The following RHPN2 variants were observed in gnomAD, a reference collection of about 807,000 sequenced individuals.
RHPN2 encodes rhophilin Rho GTPase binding protein 2, also known as rhophilin-2.
In RHPN2, 40 loss-of-function variants were observed where a neutral mutation model predicts 79.0. That is an observed-to-expected ratio of 0.51 (90% CI 0.39 to 0.66). The LOEUF is 0.66. Ranked by LOEUF, RHPN2 falls within the 30% of genes least tolerant of loss-of-function variation. The probability of loss-of-function intolerance (pLI) is 0.00; values close to 1 mark genes in which losing one functional copy is unlikely to be tolerated. For missense variants in RHPN2, 686 were observed against 883.5 expected (o/e 0.78, Z 2.83); for synonymous variants, 285 against 363.5 (o/e 0.78, Z 2.46).
chr19:33,047,145 G>A (rs1171685584), intron 1 of RHPN2, among the ~76,000 whole-genome samples: 2 of 152,120 alleles, frequency 1.3e-5, no homozygotes, highest in Non-Finnish European at 2.9e-5. Flanking sequence ...ACAGGTGTGA[G>A]CCACCACACC....
chr19:33,002,822 C>T lies in RHPN2; in HGVS notation c.939G>A (p.Glu313=). Reference sequence around the variant, plus strand: ...AACCAGGGAGTCCTACCTTAGCAGCCTCCTGAGCCACCTTCACCAGCATGA... The same window carrying T: ...AACCAGGGAGTCCTACCTTAGCAGCTTCCTGAGCCACCTTCACCAGCATGA... ...EFFMLVKVAQ[E]AAKVGEVYQQ... Residue 313 remains glutamate, a synonymous_variant, in exon 8 of 15, where the codon GAG becomes GAA. Coordinates refer to ENST00000254260, the MANE Select transcript of RHPN2 (RefSeq NM_033103.5). The T allele has an allele frequency of 6.2e-7, 1 of 1,613,864 alleles. No homozygotes were observed. Among genetic ancestry groups the T allele is most frequent in the Non-Finnish European group, 8.5e-7 (1 of 1,179,846 alleles).
At chr19:33,029,688 C>T (rs966586184) in intron 2 of RHPN2, among the ~76,000 whole-genome samples, 32 of 152,086 alleles carry the variant, frequency 2.1e-4, no homozygotes, top group African/African-American at 6.8e-4. Flanking sequence ...TCCATAGGTA[C>T]GTCAGGGTCC....
chr19:33,055,972 A>C (rs1235049374), intron 1 of RHPN2, among the ~76,000 whole-genome samples: 1 of 152,062 alleles, frequency 6.6e-6, no homozygotes, highest in Non-Finnish European at 1.5e-5. Context: ...CAGAGATAAG[A>C]AGTGACAATG....
intron 2 of RHPN2, among the ~76,000 whole-genome samples, chr19:33,033,695 C>A (rs1254521874): frequency 6.6e-6 from 1 of 151,902 alleles, no homozygotes; most frequent in East Asian, 1.9e-4. Context: ...GTGGAGAAAT[C>A]TCGTCTCTAC....
chr19:33,048,725 CAAAAA>C (rs58396784), intron 1 of RHPN2, among the ~76,000 whole-genome samples: 1 of 62,674 alleles, frequency 1.6e-5, no homozygotes, highest in South Asian at 7.7e-4. Flanking sequence ...GACTCAGTCT[CAAAAA>C]AAAAAAAAAA....
rs539770115 is a variant in RHPN2 at position 32,993,351 on chromosome 19, G to A, written c.1497+626C>T. 3.3e-5 allele frequency among the ~76,000 whole-genome samples: 5 copies of A among 152,136 alleles called. No homozygotes were observed. In the South Asian group the frequency reaches 8.3e-4, roughly 25 times the overall value. On this transcript the variant is annotated intron_variant, in intron 12 of 14. Coordinates refer to ENST00000254260, the MANE Select transcript of RHPN2 (RefSeq NM_033103.5). ...TAGCTGAGCGTAGTGGCACAGGCCT[G>A]TAATCCCAACTACTCGGGAGGCTGA...
intron 2 of RHPN2, among the ~76,000 whole-genome samples, chr19:33,029,335 GCT>G: frequency 6.6e-6 from 1 of 151,674 alleles, no homozygotes. Flanking sequence ...GACCATCCTG[GCT>G]GACATAGTGA....
At chr19:32,992,521 A>C (rs1361030550) in intron 12 of RHPN2, among the ~76,000 whole-genome samples, 1 of 152,164 alleles carries the variant, frequency 6.6e-6, no homozygotes, top group Non-Finnish European at 1.5e-5. Flanking sequence ...CTCTAATATA[A>C]AAAATGTAAG....
intron 14 of RHPN2, among the ~76,000 whole-genome samples, chr19:32,985,788 C>T (rs1252334368): frequency 1.3e-5 from 2 of 152,144 alleles, no homozygotes; most frequent in East Asian, 1.9e-4. Context: ...TGCACCACCA[C>T]ATCCTGCTAA....
intron 7 of RHPN2, among the ~76,000 whole-genome samples, chr19:33,006,264 A>G (rs1412938279): frequency 6.6e-6 from 1 of 152,106 alleles, no homozygotes; most frequent in Non-Finnish European, 1.5e-5. Flanking sequence ...TGGTGCAATC[A>G]TAGCTCACTG....
rs568091941 is a variant in RHPN2 at position 33,007,683 on chromosome 19, A to T, written c.760+331T>A. 3.3e-5 allele frequency among the ~76,000 whole-genome samples: 5 copies of T among 151,882 alleles called. No homozygotes were observed. The South Asian group carries it at 1.0e-3, about 32-fold the overall frequency. On this transcript the variant is annotated intron_variant, in intron 7 of 14. Coordinates refer to ENST00000254260, the MANE Select transcript of RHPN2 (RefSeq NM_033103.5). Reference sequence around the variant, plus strand: ...CCCAGGGGCCACTTGTCTGGAAAAGATCGTCAGCCACAGGATTCACCATGT... The same window carrying T: ...CCCAGGGGCCACTTGTCTGGAAAAGTTCGTCAGCCACAGGATTCACCATGT...
At position 33,008,250 on chromosome 19, in the gene RHPN2, CTTTTT is replaced by C. The variant is rs71340517; in HGVS notation, c.594-75_594-71del. On this transcript the variant is annotated intron_variant, in intron 6 of 14. Transcript: ENST00000254260. ...GTTAATGCTACAAGTGGAAAAAATT[CTTTTT>C]TTTTTTTTTTTTAAGAGTCAATATC... is the stretch of plus-strand genomic sequence containing the variant. 787 of 1,084,550 alleles carry C rather than the reference CTTTTT, an allele frequency of 7.3e-4. 1 individual carries two copies. The African/African-American group carries it at 0.012, about 16-fold the overall frequency. 67.2% of individuals were successfully genotyped at this position (1,084,550 alleles called of 1,614,324 possible).
At chr19:33,032,635 C>T (rs1260542382) in intron 2 of RHPN2, among the ~76,000 whole-genome samples, 2 of 152,190 alleles carry the variant, frequency 1.3e-5, no homozygotes, top group Non-Finnish European at 2.9e-5. Flanking sequence ...GATGTCATTA[C>T]ACACCACAGG....
At chr19:32,984,547 T>C (rs1425083589) in intron 14 of RHPN2, among the ~76,000 whole-genome samples, 2 of 151,958 alleles carry the variant, frequency 1.3e-5, no homozygotes, top group Non-Finnish European at 2.9e-5. Flanking sequence ...TAATCCCAGC[T>C]ACTCGGGAGG....
chr19:33,062,478 A>AAG (rs1972288559), intron 1 of RHPN2, among the ~76,000 whole-genome samples: 1 of 147,408 alleles, frequency 6.8e-6, no homozygotes, highest in African/African-American at 2.5e-5. Flanking sequence ...AAAAAAAAAA[A>AAG]AACACCTGTA....
Position 32,990,590 on chromosome 19 carries a change from A to G in RHPN2, c.1724T>C (p.Met575Thr), listed in dbSNP as rs1026269140. Residue 575 changes from methionine (M) to threonine (T), a missense_variant, in exon 14 of 15, where the codon ATG (methionine) becomes ACG (threonine). Transcript: ENST00000254260. ...CTCGCCAAAGCTCTTCAGCAGCTTC[A>G]TAACCTCACTCAGCGTCAGCCACTT... ...DCKWLTLSEV[M>T]KLLKSFGEDE... is the part of the protein sequence containing the mutation. 50 of 1,613,802 alleles carry G rather than the reference A, an allele frequency of 3.1e-5. No individual in the cohort carries two copies. The highest frequency in any genetic ancestry group is 3.7e-5 in the Non-Finnish European group (44 of 1,179,868).
intron 12 of RHPN2, among the ~76,000 whole-genome samples, chr19:32,992,479 C>A (rs1971668398): frequency 6.6e-6 from 1 of 152,144 alleles, no homozygotes; most frequent in Non-Finnish European, 1.5e-5. Flanking sequence ...GCGTGAGCCA[C>A]CGCACCCGGC....
chr19:33,023,784 CAA>C (rs61273503), intron 3 of RHPN2, among the ~76,000 whole-genome samples: 15 of 110,516 alleles, frequency 1.4e-4, no homozygotes, highest in Admixed American at 1.9e-4. Flanking sequence ...GACTCCATCT[CAA>C]AAAAAAAAAA....
chr19:33,020,323 C>T (rs1357187870), intron 4 of RHPN2, among the ~76,000 whole-genome samples: 3 of 138,518 alleles, frequency 2.2e-5, no homozygotes, highest in Admixed American at 7.5e-5. Flanking sequence ...CCATTACTTT[C>T]GTTCTCTTTT....
Sources: allele counts gnomAD v4.1 joint callset (sites outside exome capture counted in the v4.1 genomes callset), GRCh38; gene constraint gnomAD v4.1.1; transcripts MANE v1.5; gene names NCBI Gene and HGNC (gene_info 2026-07-23, HGNC 2026-07-21).